LRRC4C: variants seen among roughly 807,000 people sequenced by gnomAD.
LRRC4C encodes leucine rich repeat containing 4C.
LRRC4C carries 5 observed loss-of-function variants against 33.6 expected under a neutral mutation model. The observed-to-expected ratio is 0.15, with a 90% CI of 0.08 to 0.31. The LOEUF is 0.31. Among genes scored for constraint, LRRC4C ranks in the 10% least tolerant of loss-of-function variants. The pLI, the probability that LRRC4C is intolerant of heterozygous loss-of-function variation, is 1.00. For missense variants in LRRC4C, 560 were observed against 796.7 expected, an observed-to-expected ratio of 0.70 and a Z score of 3.58; for synonymous variants, 329 against 302.0, an observed-to-expected ratio of 1.09 and a Z score of -0.93.
At position 40,957,873 on chromosome 11, in the gene LRRC4C, T is replaced by C. The variant is rs1959031039; in HGVS notation, c.-495-24150A>G. On this transcript the variant is annotated intron_variant, in intron 1 of 6. Transcript: ENST00000528697. ...ATCCAGCCCTTCCAGTTTCTAGCTT[T>C]GTGGCTGCTATGGTCTGAATGTTTG... Among the ~76,000 whole-genome samples, 4 of 151,698 alleles carry C rather than the reference T, an allele frequency of 2.6e-5. No homozygotes were observed. In the South Asian group the frequency reaches 8.3e-4, roughly 31 times the overall value.
chr11:40,152,226 T>C (rs1422827173), intron 5 of LRRC4C, among the ~76,000 whole-genome samples: 1 of 152,170 alleles, frequency 6.6e-6, no homozygotes, highest in African/African-American at 2.4e-5. Context: ...AGTTTCTAAC[T>C]TTACCTGGAG....
At chr11:40,601,589 A>G (rs1440925925) in intron 3 of LRRC4C, among the ~76,000 whole-genome samples, 1 of 152,238 alleles carries the variant, frequency 6.6e-6, no homozygotes, top group African/African-American at 2.4e-5. Flanking sequence ...TCAGTTGCAC[A>G]TCTAATTATT....
At chr11:40,941,510 T>C (rs752045817) in intron 1 of LRRC4C, among the ~76,000 whole-genome samples, 1 of 152,160 alleles carries the variant, frequency 6.6e-6, no homozygotes, top group Non-Finnish European at 1.5e-5. Flanking sequence ...ATTAAGATCA[T>C]AAGCATGGAA....
At chr11:41,334,893 C>A (rs1565590455) in intron 1 of LRRC4C, among the ~76,000 whole-genome samples, 2 of 149,922 alleles carry the variant, frequency 1.3e-5, no homozygotes, top group Non-Finnish European at 3.0e-5. Flanking sequence ...AACAAACAAA[C>A]AAAAAACCAC....
intron 1 of LRRC4C, among the ~76,000 whole-genome samples, chr11:40,937,299 T>C (rs931023473): frequency 1.5e-5 from 2 of 135,368 alleles, no homozygotes; most frequent in African/African-American, 2.8e-5. Flanking sequence ...GAACAACAGA[T>C]GCTGCCGACT....
At chr11:40,759,021 T>G (rs969598087) in intron 2 of LRRC4C, among the ~76,000 whole-genome samples, 1 of 150,264 alleles carries the variant, frequency 6.7e-6, no homozygotes, top group African/African-American at 2.4e-5. Context: ...TTAAATACAT[T>G]CAAGTAGCAC....
chr11:41,275,958 C>G (rs1263738404), intron 1 of LRRC4C, among the ~76,000 whole-genome samples: 1 of 152,062 alleles, frequency 6.6e-6, no homozygotes, highest in East Asian at 1.9e-4. Context: ...GTAATTATTC[C>G]TGGCTTGGGA....
At chr11:41,206,593 G>T (rs1478828320) in intron 1 of LRRC4C, among the ~76,000 whole-genome samples, 1 of 152,106 alleles carries the variant, frequency 6.6e-6, no homozygotes, top group Non-Finnish European at 1.5e-5. Flanking sequence ...AATGCCCTTT[G>T]AGTGCCCCAG....
At chr11:40,829,588 C>T (rs1591824382) in intron 2 of LRRC4C, among the ~76,000 whole-genome samples, 1 of 151,998 alleles carries the variant, frequency 6.6e-6, no homozygotes, top group Non-Finnish European at 1.5e-5. Flanking sequence ...AATTTAAAGG[C>T]TATTCATTTT....
At chr11:40,950,159 TA>T (rs949248167) in intron 1 of LRRC4C, among the ~76,000 whole-genome samples, 2 of 151,566 alleles carry the variant, frequency 1.3e-5, no homozygotes, top group Non-Finnish European at 2.9e-5. Context: ...CTCAGAATCA[TA>T]AGAGCACTGA....
At chr11:41,286,540 G>A (rs1949834175) in intron 1 of LRRC4C, among the ~76,000 whole-genome samples, 1 of 152,016 alleles carries the variant, frequency 6.6e-6, no homozygotes, top group Non-Finnish European at 1.5e-5. Context: ...CTAATAGAAT[G>A]GTAATATTCT....
chr11:40,911,760 G>T (rs956263137), intron 2 of LRRC4C, among the ~76,000 whole-genome samples: 5 of 152,146 alleles, frequency 3.3e-5, no homozygotes, highest in African/African-American at 1.2e-4. Context: ...GCTAAAGGAG[G>T]AAGTTCGAAC....
intron 1 of LRRC4C, among the ~76,000 whole-genome samples, chr11:41,220,860 C>T (rs993267977): frequency 4.7e-4 from 71 of 152,230 alleles, no homozygotes; most frequent in Middle Eastern, 3.4e-3. Context: ...AGTGTCTATG[C>T]ACTGGGAATA....
chr11:41,174,978 A>T (rs1436520325), intron 1 of LRRC4C, among the ~76,000 whole-genome samples: 1 of 152,078 alleles, frequency 6.6e-6, no homozygotes, highest in African/African-American at 2.4e-5. Context: ...AATTAAATTA[A>T]TTTAATTAAT....
intron 2 of LRRC4C, among the ~76,000 whole-genome samples, chr11:40,729,995 T>C (rs1040379056): frequency 6.6e-6 from 1 of 151,958 alleles, no homozygotes; most frequent in Non-Finnish European, 1.5e-5. Context: ...CTCAGTAAAC[T>C]ATCACAAGAA....
intron 1 of LRRC4C, among the ~76,000 whole-genome samples, chr11:41,054,349 G>A (rs1858463916): frequency 1.3e-5 from 2 of 152,160 alleles, no homozygotes; most frequent in Admixed American, 6.5e-5. Context: ...GAGAAGGTAG[G>A]AAACTGAAAG....
At chr11:41,178,365 GT>G (rs761999720) in intron 1 of LRRC4C, among the ~76,000 whole-genome samples, 1 of 152,030 alleles carries the variant, frequency 6.6e-6, no homozygotes, top group African/African-American at 2.4e-5. Context: ...TGTTGTTGTT[GT>G]TTTTTATTTT....
chr11:40,773,416 C>T (rs951436278), intron 2 of LRRC4C, among the ~76,000 whole-genome samples: 2 of 151,968 alleles, frequency 1.3e-5, no homozygotes, highest in Admixed American at 1.3e-4. Flanking sequence ...ATTCCATATA[C>T]ACTGTTGTGA....
chr11:41,395,123 G>GTTTC (rs567622593), intron 1 of LRRC4C, among the ~76,000 whole-genome samples: 4,341 of 152,062 alleles, frequency 0.029, 236 homozygotes, highest in African/African-American at 0.099. Context: ...ATGAAGCAGG[G>GTTTC]TACAGACACT....
Sources: allele counts gnomAD v4.1 joint callset (sites outside exome capture counted in the v4.1 genomes callset), GRCh38; gene constraint gnomAD v4.1.1; transcripts MANE v1.5; gene names NCBI Gene and HGNC (gene_info 2026-07-23, HGNC 2026-07-21).